Variants in GTF2A1L observed in about 807,000 individuals in gnomAD.
The protein encoded by GTF2A1L is TFIIA-alpha and beta-like factor.
In GTF2A1L, 48 loss-of-function variants were observed where a neutral mutation model predicts 49.7. The ratio of observed to expected loss-of-function variants is 0.97; its 90% confidence interval spans 0.77 to 1.23. The LOEUF is 1.23. GTF2A1L is among the 50% of genes most tolerant of loss of function. The probability of loss-of-function intolerance (pLI) is 0.00; values close to 1 mark genes in which losing one functional copy is unlikely to be tolerated. For missense variants in GTF2A1L, 736 were observed against 564.8 expected (o/e 1.30, Z -3.07); for synonymous variants, 246 against 193.5 (o/e 1.27, Z -2.25).
At chr2:48,621,082 A>C (rs994185167) in intron 2 of GTF2A1L, 85 bp from the exon 3 acceptor site, 7 of 1,521,706 alleles carry the variant, frequency 4.6e-6, no homozygotes, top group Middle Eastern at 3.8e-4. Context: ...GGATGACGTT[A>C]GTTTTTAAGA....
chr2:48,669,682 T>C (rs1572774001), intron 6 of GTF2A1L, 40 bp from the exon 7 acceptor site: 3 of 1,571,782 alleles, frequency 1.9e-6, no homozygotes, highest in Non-Finnish European at 2.6e-6. Flanking sequence ...TTATATACCT[T>C]ATTTGACTTG....
chr2:48,646,882 A>C lies in GTF2A1L; in HGVS notation c.818A>C (p.Asn273Thr), dbSNP rs374555161. ...AGTGGTTCAGCTAGCATGGCTCAAAATCTGCATGATGAGTCCCTCTCCACA... is the reference window on the plus strand; with the variant it reads ...AGTGGTTCAGCTAGCATGGCTCAAACTCTGCATGATGAGTCCCTCTCCACA... ...VLSGSASMAQ[N>T]LHDESLSTSP... Residue 273 changes from asparagine (N) to threonine (T), a missense_variant, in exon 6 of 9, where the codon AAT becomes ACT. Coordinates refer to ENST00000403751, the MANE Select transcript of GTF2A1L (RefSeq NM_006872.5). The C allele has an allele frequency of 6.2e-7, 1 of 1,614,100 alleles. No individual in the cohort carries two copies. The highest frequency in any genetic ancestry group is 1.3e-5 in the African/African-American group (1 of 74,940).
chr2:48,652,388 G>A (rs1314129752), intron 6 of GTF2A1L, among the ~76,000 whole-genome samples: 1 of 152,028 alleles, frequency 6.6e-6, no homozygotes, highest in Non-Finnish European at 1.5e-5. Context: ...GGCCAAAGCG[G>A]ATGGATCACT....
At chr2:48,661,754 A>G (rs1021135218) in intron 6 of GTF2A1L, among the ~76,000 whole-genome samples, 3 of 152,012 alleles carry the variant, frequency 2.0e-5, no homozygotes, top group African/African-American at 7.2e-5. Flanking sequence ...TTTGCATGGA[A>G]TTTATTTTTC....
chr2:48,635,772 G>A (rs539380244), intron 3 of GTF2A1L, among the ~76,000 whole-genome samples: 22 of 152,148 alleles, frequency 1.4e-4, no homozygotes, highest in South Asian at 6.2e-4. Flanking sequence ...ACCTAGAATG[G>A]CTGACTTTGT....
intron 6 of GTF2A1L, among the ~76,000 whole-genome samples, chr2:48,659,071 G>T (rs1438540796): frequency 6.6e-6 from 1 of 151,992 alleles, no homozygotes; most frequent in African/African-American, 2.4e-5. Flanking sequence ...TAATCTGATG[G>T]GTTTCCCTTT....
chr2:48,621,491 A>G (rs1675998276), intron 3 of GTF2A1L, among the ~76,000 whole-genome samples: 1 of 152,218 alleles, frequency 6.6e-6, no homozygotes, highest in Admixed American at 6.5e-5. Flanking sequence ...ACTAGTTTTT[A>G]TTTTAAATAT....
Position 48,617,908 on chromosome 2 carries a change from T to C in GTF2A1L, c.21+13T>C, listed in dbSNP as rs1485592024. The C allele has an allele frequency of 1.9e-6, 3 of 1,551,750 alleles. No individual in the cohort carries two copies. The highest frequency in any genetic ancestry group is 2.0e-5 in the Admixed American group (1 of 51,004). On this transcript the variant is annotated intron_variant, in intron 1 of 8. Coordinates refer to ENST00000403751, the MANE Select transcript of GTF2A1L (RefSeq NM_006872.5). ...CCTCAACCCGGTGGTAAGGAAGACC[T>C]CAGGCTCTGTGTAGAGGGAGCGCCC...
chr2:48,668,838 A>C (rs959627183), intron 6 of GTF2A1L, among the ~76,000 whole-genome samples: 3 of 92,364 alleles, frequency 3.2e-5, no homozygotes, highest in Non-Finnish European at 4.8e-5. Context: ...CCGCCTCAAA[A>C]AATAAATAAA....
chr2:48,678,584 A>G (rs1369098332), intron 8 of GTF2A1L, among the ~76,000 whole-genome samples: 1 of 152,026 alleles, frequency 6.6e-6, no homozygotes, highest in East Asian at 1.9e-4. Context: ...AGAGGTAGCA[A>G]TGATTTTATG....
At chr2:48,637,539 A>G (rs1340982313) in intron 3 of GTF2A1L, among the ~76,000 whole-genome samples, 4 of 152,198 alleles carry the variant, frequency 2.6e-5, no homozygotes, top group Non-Finnish European at 4.4e-5. Context: ...TCTCAAATTA[A>G]GAACGTAACA....
chr2:48,617,878 G>A lies in GTF2A1L; in HGVS notation c.4G>A (p.Ala2Thr), dbSNP rs1391722417. Residue 2 changes from alanine (A) to threonine (T), a missense_variant, in exon 1 of 9, where the codon GCC becomes ACC. Ala to Thr is a moderately conservative substitution (Grantham distance 58). Transcript: ENST00000403751. ...GCCAGGTGCTGGAGGTGCTGTCATG[G>A]CCTGCCTCAACCCGGTGGTAAGGAA... The part of the protein sequence containing the change: M[A>T]CLNPVPKLYR... 2.6e-6 allele frequency: 4 copies of A among 1,551,848 alleles called. No individual in the cohort carries two copies. Among genetic ancestry groups the A allele is most frequent in the Non-Finnish European group, 3.5e-6 (4 of 1,147,044 alleles).
intron 8 of GTF2A1L, among the ~76,000 whole-genome samples, chr2:48,672,985 C>G (rs1253930662): frequency 6.6e-6 from 1 of 152,164 alleles, no homozygotes; most frequent in Non-Finnish European, 1.5e-5. Flanking sequence ...AACCACTGAT[C>G]TACTCTCTAT....
chr2:48,669,720 A>G lies in GTF2A1L; in HGVS notation c.979-2A>G. 2 of 1,601,816 alleles carry G rather than the reference A, an allele frequency of 1.2e-6. No homozygotes were observed. Among genetic ancestry groups the G allele is most frequent in the Non-Finnish European group, 8.5e-7 (1 of 1,172,560 alleles). ...CTTTATTGTATTTCTTTCTCTTTTTAGGATTCTAATTCTCAGGTGGATTTA... is the reference window on the plus strand; with the variant it reads ...CTTTATTGTATTTCTTTCTCTTTTTGGGATTCTAATTCTCAGGTGGATTTA... On this transcript the variant is annotated splice_acceptor_variant, in intron 6 of 8. Transcript: ENST00000403751. LOFTEE classifies it high-confidence loss of function.
chr2:48,652,930 T>C (rs1677942140), intron 6 of GTF2A1L, among the ~76,000 whole-genome samples: 1 of 151,574 alleles, frequency 6.6e-6, no homozygotes, highest in African/African-American at 2.4e-5. Flanking sequence ...TAATTGACTT[T>C]AAAATAACTC....
chr2:48,630,245 A>G (rs1445471694), intron 3 of GTF2A1L, among the ~76,000 whole-genome samples: 1 of 143,962 alleles, frequency 6.9e-6, no homozygotes, highest in African/African-American at 2.5e-5. Context: ...CTTGTATTCC[A>G]TGAGCTTGGA....
chr2:48,662,025 AT>A (rs1277175095), intron 6 of GTF2A1L, among the ~76,000 whole-genome samples: 1 of 151,728 alleles, frequency 6.6e-6, no homozygotes, highest in Non-Finnish European at 1.5e-5. Flanking sequence ...TTCCCTTCTC[AT>A]TTCCTTTGTG....
intron 6 of GTF2A1L, among the ~76,000 whole-genome samples, chr2:48,660,391 A>G (rs761835691): frequency 6.6e-6 from 1 of 152,020 alleles, no homozygotes; most frequent in Non-Finnish European, 1.5e-5. Flanking sequence ...TCTAGTGAAG[A>G]CATTTGGTTC....
At chr2:48,665,055 G>A (rs56312758) in intron 6 of GTF2A1L, among the ~76,000 whole-genome samples, 7,047 of 152,024 alleles carry the variant, frequency 0.046, 536 homozygotes, top group African/African-American at 0.16. Context: ...CCGACTAGCT[G>A]GGATTACAGG....
Sources: gnomAD v4.1 joint callset for allele counts (sites outside exome capture counted in the v4.1 genomes callset) on GRCh38, gnomAD v4.1.1 for gene constraint, MANE v1.5 for transcripts, NCBI Gene and HGNC (gene_info 2026-07-23, HGNC 2026-07-21) for gene names.